The following COBL variants were observed in gnomAD, a reference collection of about 807,000 sequenced individuals.
COBL encodes protein cordon-bleu.
In COBL, 51 loss-of-function variants were observed where a neutral mutation model predicts 98.8. That is an observed-to-expected ratio of 0.52 (90% CI 0.41 to 0.65). COBL has a LOEUF of 0.65. Among genes scored for constraint, COBL ranks in the 30% least tolerant of loss-of-function variants. COBL has a pLI of 0.00. For synonymous variants in COBL, 634 were observed against 651.7 expected, an observed-to-expected ratio of 0.97 and a Z score of 0.41; for missense variants, 1,617 against 1,617.5, an observed-to-expected ratio of 1.00 and a Z score of 0.01.
rs368898989 is a variant in COBL, at chr7:51,302,521, T to C, written c.41+14072A>G. On this transcript the variant is annotated intron_variant, in intron 1 of 12. Coordinates refer to ENST00000265136, the MANE Select transcript of COBL (RefSeq NM_015198.5). ...GCTTGAACCCGGGAGGCGGAGGTTGTGGTGAGCCGATATTGCGCCATTGCA... is the reference window on the plus strand; with the variant it reads ...GCTTGAACCCGGGAGGCGGAGGTTGCGGTGAGCCGATATTGCGCCATTGCA... 9.7e-3 allele frequency among the ~76,000 whole-genome samples: 1,379 copies of C among 141,766 alleles called. 17 individuals carry two copies. The highest frequency in any genetic ancestry group is 0.036 in the African/African-American group (1,338 of 37,608). 93.0% of individuals were successfully genotyped at this position (141,766 alleles called of 152,430 possible). A position where few individuals can be genotyped will look rare whatever the true frequency, so the allele number is the denominator to read the frequency against.
chr7:51,017,600 T>G (rs1329143715), intron 12 of COBL, 32 bp from the exon 13 acceptor site: 1 of 1,612,814 alleles, frequency 6.2e-7, no homozygotes. Context: ...AGTTATTTGG[T>G]ATGTCAATAA....
intron 1 of COBL, 172 bp downstream of exon 1, chr7:51,316,421 C>CCACCCAACACCAGCACCCAACACCAG: frequency 2.4e-6 from 1 of 415,516 alleles, no homozygotes; most frequent in Admixed American, 4.9e-5. Flanking sequence ...GCACGCACCA[C>CCACCCAACACCAGCACCCAACACCAG]CACCCAACAC....
intron 8 of COBL, among the ~76,000 whole-genome samples, chr7:51,039,327 G>A (rs1421095643): frequency 6.6e-6 from 1 of 152,236 alleles, no homozygotes; most frequent in African/African-American, 2.4e-5. Context: ...GAACAGTGGT[G>A]GGTTCTGCGC....
At chr7:51,117,954 G>A (rs1355573270) in intron 6 of COBL, among the ~76,000 whole-genome samples, 1 of 152,196 alleles carries the variant, frequency 6.6e-6, no homozygotes, top group Non-Finnish European at 1.5e-5. Context: ...TAGCCAGGCT[G>A]CTTGGTATCT....
At chr7:51,253,489 G>A (rs182092449) in intron 1 of COBL, among the ~76,000 whole-genome samples, 3 of 152,232 alleles carry the variant, frequency 2.0e-5, no homozygotes, top group East Asian at 3.9e-4. Context: ...ATTTCTCCAA[G>A]GATCCATGTG....
intron 1 of COBL, among the ~76,000 whole-genome samples, chr7:51,279,849 G>A (rs1000960662): frequency 6.6e-6 from 1 of 152,202 alleles, no homozygotes; most frequent in African/African-American, 2.4e-5. Flanking sequence ...ATGTCACAGA[G>A]TTGGAATCAT....
chr7:51,214,526 C>T (rs2129081486), intron 2 of COBL, among the ~76,000 whole-genome samples: 1 of 152,184 alleles, frequency 6.6e-6, no homozygotes, highest in African/African-American at 2.4e-5. Context: ...TTTCTTAATT[C>T]TGATCTCCTC....
chr7:51,254,387 A>G (rs1013566224), intron 1 of COBL, among the ~76,000 whole-genome samples: 4 of 152,244 alleles, frequency 2.6e-5, no homozygotes, highest in Admixed American at 2.6e-4. Flanking sequence ...TGAGTCCTAC[A>G]TATAGACTTG....
intron 7 of COBL, among the ~76,000 whole-genome samples, chr7:51,061,236 G>A (rs1018450500): frequency 2.0e-5 from 3 of 152,170 alleles, no homozygotes; most frequent in African/African-American, 4.8e-5. Context: ...ATGTTTGTGT[G>A]TGTGTGTGTG....
At chr7:51,197,799 T>C (rs1378251115) in intron 2 of COBL, among the ~76,000 whole-genome samples, 1 of 152,226 alleles carries the variant, frequency 6.6e-6, no homozygotes, top group African/African-American at 2.4e-5. Flanking sequence ...TCGTTGTTGA[T>C]TTAAAATCTG....
chr7:51,210,072 T>C (rs185064623), intron 2 of COBL, among the ~76,000 whole-genome samples: 3 of 152,196 alleles, frequency 2.0e-5, no homozygotes, highest in East Asian at 1.9e-4. Context: ...AAATAAATAA[T>C]TGAGTGCCCA....
chr7:51,121,315 T>C (rs1342401765), intron 6 of COBL, among the ~76,000 whole-genome samples: 1 of 152,236 alleles, frequency 6.6e-6, no homozygotes, highest in African/African-American at 2.4e-5. Context: ...ACTTGTATAT[T>C]TTCTTTGGAG....
At chr7:51,266,925 C>T (rs1051216856) in intron 1 of COBL, among the ~76,000 whole-genome samples, 2 of 152,098 alleles carry the variant, frequency 1.3e-5, no homozygotes, top group Admixed American at 6.5e-5. Context: ...ACTTACATTT[C>T]GACATCAATG....
chr7:51,024,351 A>C (rs141999104), intron 12 of COBL, among the ~76,000 whole-genome samples: 1 of 152,234 alleles, frequency 6.6e-6, no homozygotes, highest in East Asian at 1.9e-4. Flanking sequence ...AAAATAAAAT[A>C]AAATCTTTTT....
At chr7:51,218,184 T>G (rs2129086018) in intron 2 of COBL, among the ~76,000 whole-genome samples, 1 of 152,364 alleles carries the variant, frequency 6.6e-6, no homozygotes, top group South Asian at 2.1e-4. Flanking sequence ...CCCCAAATTT[T>G]TATTCACTTA....
intron 1 of COBL, among the ~76,000 whole-genome samples, chr7:51,284,194 G>A (rs894683172): frequency 1.4e-4 from 21 of 150,776 alleles, no homozygotes; most frequent in African/African-American, 2.0e-4. Context: ...CCAGCTACTC[G>A]GGAGGCTGAG....
rs1799216384 is a variant in COBL, at chr7:51,136,156, A to G, written c.957+2T>C. ...GGTTGTGAGAACAGCCCACTGCCCT[A>G]CCTTTTCCGATGCCTTGTCTTGCAC... On this transcript the variant is annotated splice_donor_variant, in intron 6 of 12. Transcript: ENST00000265136. LOFTEE classifies it high-confidence loss of function. The G allele has an allele frequency of 6.2e-7, 1 of 1,610,334 alleles. No individual in the cohort carries two copies. The highest frequency in any genetic ancestry group is 1.3e-5 in the African/African-American group (1 of 74,754).
chr7:51,142,118 T>C (rs756543206), intron 5 of COBL, among the ~76,000 whole-genome samples: 2 of 152,070 alleles, frequency 1.3e-5, no homozygotes, highest in Non-Finnish European at 2.9e-5. Flanking sequence ...TCACCATGAA[T>C]GGGCAGGACA....
intron 6 of COBL, among the ~76,000 whole-genome samples, chr7:51,126,167 G>C (rs1049568164): frequency 2.0e-5 from 3 of 152,108 alleles, no homozygotes; most frequent in African/African-American, 7.2e-5. Flanking sequence ...ATCTCAACTA[G>C]AAATATAAAA....
Sources: gnomAD v4.1 joint callset for allele counts (sites outside exome capture counted in the v4.1 genomes callset) on GRCh38, gnomAD v4.1.1 for gene constraint, MANE v1.5 for transcripts, NCBI Gene and HGNC (gene_info 2026-07-23, HGNC 2026-07-21) for gene names.